The following NEBL variants were observed in gnomAD, a reference collection of about 807,000 sequenced individuals.
NEBL encodes the protein LIM and SH3 protein 2.
Under a neutral mutation model 140.2 loss-of-function variants are expected in NEBL, and 122 were observed. That is an observed-to-expected ratio of 0.87 (90% CI 0.75 to 1.01). The LOEUF (loss-of-function observed/expected upper bound fraction) is 1.01. Among genes scored for constraint, NEBL ranks in the 50% least tolerant of loss-of-function variants. The pLI is 0.00. For synonymous variants in NEBL, 436 were observed against 398.9 expected (o/e 1.09, Z -1.11); for missense variants, 1,365 against 1,231.3 (o/e 1.11, Z -1.62).
intron 3 of NEBL, among the ~76,000 whole-genome samples, chr10:21,231,554 A>C (rs1018242938): frequency 2.0e-5 from 3 of 150,150 alleles, no homozygotes; most frequent in African/African-American, 7.3e-5. Context: ...AAAACAAGAA[A>C]AGAAAAGAAA....
At chr10:21,227,774 GCTT>G (rs1465594128) in intron 3 of NEBL, among the ~76,000 whole-genome samples, 2 of 56,116 alleles carry the variant, frequency 3.6e-5, no homozygotes, top group Non-Finnish European at 8.2e-5. Flanking sequence ...TCTTCTTTCT[GCTT>G]CTTCTTTCTC....
intron 2 of NEBL, among the ~76,000 whole-genome samples, chr10:21,169,728 C>G (rs139079386): frequency 1.3e-5 from 2 of 152,282 alleles, no homozygotes; most frequent in African/African-American, 4.8e-5. Context: ...CTATTTCCCC[C>G]TATTTATCTG....
intron 3 of NEBL, among the ~76,000 whole-genome samples, chr10:21,201,653 A>G (rs1325503579): frequency 6.6e-6 from 1 of 152,216 alleles, no homozygotes; most frequent in East Asian, 1.9e-4. Context: ...TCTGGAAATT[A>G]AAATAGTATT....
intron 2 of NEBL, among the ~76,000 whole-genome samples, chr10:21,076,221 T>C (rs1194010367): frequency 6.6e-6 from 1 of 151,852 alleles, no homozygotes; most frequent in African/African-American, 2.4e-5. Context: ...GGAGGGTGGA[T>C]CACCTGAGAT....
intron 26 of NEBL, among the ~76,000 whole-genome samples, chr10:20,789,670 A>G (rs1393894058): frequency 6.6e-6 from 1 of 152,116 alleles, no homozygotes; most frequent in South Asian, 2.1e-4. Flanking sequence ...GCAACATAGC[A>G]GACTCTGTCT....
At chr10:21,206,202 C>G (rs529868470) in intron 3 of NEBL, among the ~76,000 whole-genome samples, 1 of 152,310 alleles carries the variant, frequency 6.6e-6, no homozygotes, top group South Asian at 2.1e-4. Flanking sequence ...ATCCTAATCG[C>G]TGTTAGCAGG....
At chr10:20,815,565 G>T in intron 22 of NEBL, 60 bp downstream of exon 22, 3 of 1,283,326 alleles carry the variant, frequency 2.3e-6, no homozygotes, top group East Asian at 2.3e-5. Context: ...AAGGAGGACC[G>T]CAAGTAAATA....
intron 26 of NEBL, among the ~76,000 whole-genome samples, chr10:20,795,125 G>GTT (rs3057115): frequency 0.22 from 34,007 of 152,106 alleles, 4,678 homozygotes; most frequent in East Asian, 0.42. Context: ...TCAGAAAAGT[G>GTT]TAAGAGTACT....
chr10:21,030,579 T>G, intron 2 of NEBL: 1 of 661,490 alleles, frequency 1.5e-6, no homozygotes, highest in South Asian at 1.4e-5. Flanking sequence ...ACGAATACCC[T>G]ACAAGTGGTG....
At chr10:21,208,600 C>T (rs1285312467) in intron 3 of NEBL, among the ~76,000 whole-genome samples, 1 of 152,190 alleles carries the variant, frequency 6.6e-6, no homozygotes, top group Non-Finnish European at 1.5e-5. Flanking sequence ...CAGTGAGGGT[C>T]AGCATGAAAT....
chr10:20,814,333 T>A (rs748963121), intron 22 of NEBL, among the ~76,000 whole-genome samples: 2 of 151,792 alleles, frequency 1.3e-5, no homozygotes, highest in Non-Finnish European at 2.9e-5. Context: ...CGAGGACTCG[T>A]ATCTGTAATC....
At chr10:21,288,289 G>C (rs1843088146) in intron 1 of NEBL, among the ~76,000 whole-genome samples, 1 of 151,980 alleles carries the variant, frequency 6.6e-6, no homozygotes. Flanking sequence ...CCAACATAAT[G>C]AAACCCTGTC....
intron 1 of NEBL, among the ~76,000 whole-genome samples, chr10:21,278,313 G>A (rs1367847379): frequency 5.3e-5 from 8 of 152,250 alleles, no homozygotes; most frequent in South Asian, 2.1e-4. Flanking sequence ...GTGTGGTGGC[G>A]TGCACCTATC....
chr10:20,903,876 AG>A (rs1306085799), intron 4 of NEBL, among the ~76,000 whole-genome samples: 5 of 151,544 alleles, frequency 3.3e-5, no homozygotes, highest in Non-Finnish European at 7.4e-5. Context: ...AGAAGGGAGA[AG>A]GGTAAGGGAT....
At chr10:21,259,912 C>T (rs1178113969) in intron 1 of NEBL, among the ~76,000 whole-genome samples, 1 of 152,306 alleles carries the variant, frequency 6.6e-6, no homozygotes, top group African/African-American at 2.4e-5. Flanking sequence ...AAGCATGTCA[C>T]CCTGAAGGCA....
chr10:21,240,931 CA>C (rs1842430647), intron 3 of NEBL, among the ~76,000 whole-genome samples: 1 of 151,654 alleles, frequency 6.6e-6, no homozygotes, highest in African/African-American at 2.4e-5. Flanking sequence ...CACACACACA[CA>C]CACACACACA....
chr10:20,832,459 C>T (rs1386932876), intron 14 of NEBL, among the ~76,000 whole-genome samples: 1 of 151,814 alleles, frequency 6.6e-6, no homozygotes, highest in Admixed American at 6.6e-5. Context: ...AAATGGATTA[C>T]CAATTGCTTA....
Position 20,840,866 on chromosome 10 carries a change from T to C in NEBL, c.1228-17A>G, listed in dbSNP as rs1841354425. ...ATATTCTTTCTATGAGACAAGAATATCACAGTTCAAAACTTAGCAGGAATC... is the reference window on the plus strand; with the variant it reads ...ATATTCTTTCTATGAGACAAGAATACCACAGTTCAAAACTTAGCAGGAATC... On this transcript the variant is annotated splice_polypyrimidine_tract_variant and intron_variant, in intron 12 of 27. Coordinates refer to ENST00000377122, the MANE Select transcript of NEBL (RefSeq NM_006393.3). 2.1e-6 allele frequency: 3 copies of C among 1,425,140 alleles called. No individual in the cohort carries two copies. 88.3% of individuals were successfully genotyped at this position (1,425,140 alleles called of 1,614,324 possible).
At chr10:21,096,739 T>C (rs1401806214) in intron 2 of NEBL, among the ~76,000 whole-genome samples, 1 of 152,168 alleles carries the variant, frequency 6.6e-6, no homozygotes, top group African/African-American at 2.4e-5. Flanking sequence ...AGTCTCATAC[T>C]CCTGGTCTCA....
Sources: gnomAD v4.1 joint callset for allele counts (sites outside exome capture counted in the v4.1 genomes callset) on GRCh38, gnomAD v4.1.1 for gene constraint, MANE v1.5 for transcripts, NCBI Gene and HGNC (gene_info 2026-07-23, HGNC 2026-07-21) for gene names.